Variants in ADAM22 observed in about 807,000 individuals in gnomAD.
The protein encoded by ADAM22 is ADAM metallopeptidase domain 22.
In ADAM22, 65 loss-of-function variants were observed where a neutral mutation model predicts 144.6. The ratio of observed to expected loss-of-function variants is 0.45; its 90% CI spans 0.37 to 0.55. The LOEUF (loss-of-function observed/expected upper bound fraction) is 0.55. Among genes scored for constraint, ADAM22 ranks in the 20% least tolerant of loss-of-function variants. The probability of loss-of-function intolerance (pLI) is 0.00; values close to 1 mark genes in which losing one functional copy is unlikely to be tolerated. For synonymous variants in ADAM22, 391 were observed against 412.6 expected, an observed-to-expected ratio of 0.95 and a Z score of 0.63; for missense variants, 974 against 1,184.9, an observed-to-expected ratio of 0.82 and a Z score of 2.61.
intron 2 of ADAM22, among the ~76,000 whole-genome samples, chr7:87,974,056 G>T (rs1447334238): frequency 6.6e-6 from 1 of 150,824 alleles, no homozygotes; most frequent in Non-Finnish European, 1.5e-5. Flanking sequence ...GCTGCACGTT[G>T]TGCACATGTA....
At chr7:88,015,841 T>G (rs1796431987) in intron 3 of ADAM22, among the ~76,000 whole-genome samples, 1 of 152,220 alleles carries the variant, frequency 6.6e-6, no homozygotes, top group Non-Finnish European at 1.5e-5. Context: ...GTGTTTTCTC[T>G]TTGAGTTTTT....
chr7:88,004,450 A>G (rs1398709909), intron 3 of ADAM22, among the ~76,000 whole-genome samples: 3 of 152,250 alleles, frequency 2.0e-5, no homozygotes, highest in South Asian at 4.1e-4. Flanking sequence ...ACACTACATT[A>G]TAAACTAAGT....
intron 6 of ADAM22, among the ~76,000 whole-genome samples, chr7:88,115,279 T>A (rs953897897): frequency 1.3e-5 from 2 of 152,236 alleles, no homozygotes; most frequent in Non-Finnish European, 2.9e-5. Context: ...ATTGGAAATA[T>A]AATACTTTCC....
intron 26 of ADAM22, among the ~76,000 whole-genome samples, chr7:88,173,193 A>G (rs769665550): frequency 6.6e-6 from 1 of 152,016 alleles, no homozygotes; most frequent in Non-Finnish European, 1.5e-5. Context: ...CAATATGTAG[A>G]GAGATATCGT....
At chr7:88,072,588 G>T (rs1430854358) in intron 3 of ADAM22, among the ~76,000 whole-genome samples, 1 of 152,216 alleles carries the variant, frequency 6.6e-6, no homozygotes, top group Non-Finnish European at 1.5e-5. Context: ...TTCAGCAGTG[G>T]AGATGTGGGG....
intron 3 of ADAM22, among the ~76,000 whole-genome samples, chr7:88,047,834 T>C (rs1805076558): frequency 6.6e-6 from 1 of 152,054 alleles, no homozygotes; most frequent in Non-Finnish European, 1.5e-5. Flanking sequence ...ACTGAATTTA[T>C]AAGTAAATGG....
intron 15 of ADAM22, 64 bp from the exon 16 acceptor site, chr7:88,145,061 G>A (rs373221459): frequency 2.8e-6 from 4 of 1,431,778 alleles, no homozygotes; most frequent in Non-Finnish European, 9.7e-7. Flanking sequence ...GGCACTTATG[G>A]TCTCTCAAAG....
At chr7:88,010,643 T>A (rs1204077182) in intron 3 of ADAM22, among the ~76,000 whole-genome samples, 1 of 152,168 alleles carries the variant, frequency 6.6e-6, no homozygotes, top group Non-Finnish European at 1.5e-5. Context: ...TCTGGCCAGC[T>A]TGGGTGATGT....
chr7:87,978,761 A>G (rs1308793018), intron 3 of ADAM22, among the ~76,000 whole-genome samples: 1 of 152,196 alleles, frequency 6.6e-6, no homozygotes, highest in Non-Finnish European at 1.5e-5. Context: ...AACAGCAGGA[A>G]AGAGAAGGTT....
chr7:87,937,495 C>A (rs1336510676), intron 2 of ADAM22, among the ~76,000 whole-genome samples: 1 of 152,160 alleles, frequency 6.6e-6, no homozygotes, highest in East Asian at 1.9e-4. Context: ...AGGATTGAAC[C>A]TGGAAACTCA....
intron 3 of ADAM22, among the ~76,000 whole-genome samples, chr7:88,013,719 C>G (rs952963834): frequency 5.3e-5 from 8 of 152,186 alleles, no homozygotes; most frequent in Non-Finnish European, 5.9e-5. Flanking sequence ...AGCCACCATG[C>G]CTGGCCATTT....
intron 2 of ADAM22, among the ~76,000 whole-genome samples, chr7:87,971,014 C>A (rs1025121716): frequency 1.3e-4 from 20 of 152,102 alleles, no homozygotes; most frequent in Non-Finnish European, 2.2e-4. Context: ...ATACATACTG[C>A]AAGCACATAC....
intron 2 of ADAM22, among the ~76,000 whole-genome samples, chr7:87,967,900 C>G (rs1849541277): frequency 6.7e-6 from 1 of 150,012 alleles, no homozygotes; most frequent in Non-Finnish European, 1.5e-5. Flanking sequence ...CTCAATTTAG[C>G]TGGAAAGACT....
At chr7:88,141,163 T>C (rs1239613331) in intron 14 of ADAM22, among the ~76,000 whole-genome samples, 1 of 152,218 alleles carries the variant, frequency 6.6e-6, no homozygotes, top group Non-Finnish European at 1.5e-5. Flanking sequence ...CGGGAGCTGG[T>C]TCCAGCTGAC....
chr7:88,166,416 G>A (rs1338722744), intron 24 of ADAM22, among the ~76,000 whole-genome samples: 1 of 152,104 alleles, frequency 6.6e-6, no homozygotes, highest in Non-Finnish European at 1.5e-5. Flanking sequence ...TCCTGGCCAA[G>A]GTTCCTGGTG....
At chr7:87,951,143 A>G (rs868395715) in intron 2 of ADAM22, among the ~76,000 whole-genome samples, 1 of 151,366 alleles carries the variant, frequency 6.6e-6, no homozygotes, top group Non-Finnish European at 1.5e-5. Flanking sequence ...CTTTAGTTTA[A>G]TTAGATCCCA....
At chr7:88,068,973 G>A (rs1215023308) in intron 3 of ADAM22, among the ~76,000 whole-genome samples, 1 of 152,130 alleles carries the variant, frequency 6.6e-6, no homozygotes, top group Non-Finnish European at 1.5e-5. Flanking sequence ...CATTGTAACA[G>A]TATGAAGAGG....
At chr7:88,130,588 C>A in intron 10 of ADAM22, 129 bp downstream of exon 10, 1 of 807,994 alleles carries the variant, frequency 1.2e-6, no homozygotes, top group Non-Finnish European at 1.9e-6. Flanking sequence ...CTAGTAAGTT[C>A]CGGGTGACCT....
At chr7:87,952,640 G>A (rs1017818012) in intron 2 of ADAM22, among the ~76,000 whole-genome samples, 17 of 152,046 alleles carry the variant, frequency 1.1e-4, no homozygotes, top group Middle Eastern at 3.4e-3. Flanking sequence ...TTGGTATCAG[G>A]ATGATGCTGG....
Sources: gnomAD v4.1 joint callset for allele counts (sites outside exome capture counted in the v4.1 genomes callset) on GRCh38, gnomAD v4.1.1 for gene constraint, MANE v1.5 for transcripts, NCBI Gene and HGNC (gene_info 2026-07-23, HGNC 2026-07-21) for gene names.